The following ADCY2 variants were observed in gnomAD, a reference collection of about 807,000 sequenced individuals.
ADCY2 encodes adenylate cyclase 2.
In ADCY2, 31 loss-of-function variants were observed where a neutral mutation model predicts 125.2. The observed-to-expected ratio is 0.25, with a 90% CI of 0.19 to 0.33. ADCY2 has a LOEUF of 0.33. Among genes scored for constraint, ADCY2 ranks in the 10% least tolerant of loss-of-function variants. The probability of loss-of-function intolerance (pLI) is 1.00; values close to 1 mark genes in which losing one functional copy is unlikely to be tolerated. For missense variants in ADCY2, 904 were observed against 1,418.2 expected, an observed-to-expected ratio of 0.64 and a Z score of 5.82; for synonymous variants, 512 against 548.4, an observed-to-expected ratio of 0.93 and a Z score of 0.93.
chr5:7,709,256 C>A lies in ADCY2; in HGVS notation c.1447C>A (p.Leu483Ile). ...GCATCTCTTCAGACCTCGCCACACC[C>A]TTGATGGAGCCAAAATGAGGGCCTC... ...PQHLFRPRHT[L>I]DGAKMRASVR... Residue 483 changes from leucine (L) to isoleucine (I), a missense_variant, in exon 10 of 25, where the codon CTT becomes ATT. By Grantham distance (5) the Leu-to-Ile change is conservative (BLOSUM62 2). This residue lies in a region of ADCY2 where 144 missense variants were observed against 227.7 expected (regional missense o/e 0.63). Transcript: ENST00000338316. This position sits in a 1 kb window ranked among gnomAD's most constrained non-coding sequence, Gnocchi z 4.4. 6.2e-7 allele frequency: 1 copy of A among 1,613,956 alleles called. No homozygotes were observed. The highest frequency in any genetic ancestry group is 1.1e-5 in the South Asian group (1 of 91,036).
chr5:7,508,611 G>A (rs1743936009), intron 2 of ADCY2, among the ~76,000 whole-genome samples: 1 of 152,168 alleles, frequency 6.6e-6, no homozygotes, highest in Non-Finnish European at 1.5e-5. Flanking sequence ...CTGGCAAGGT[G>A]TTGTTGCCAC....
At chr5:7,728,356 GAGTGGTGAA>G (rs1741996113) in intron 14 of ADCY2, among the ~76,000 whole-genome samples, 1 of 152,178 alleles carries the variant, frequency 6.6e-6, no homozygotes, top group South Asian at 2.1e-4. Context: ...ATGAATTGTA[GAGTGGTGAA>G]AGTTTTGTTC....
Position 7,651,402 on chromosome 5 carries a change from G to A in ADCY2, c.720+25086G>A, listed in dbSNP as rs553492195. Among the ~76,000 whole-genome samples, 26 of 152,286 alleles carry A rather than the reference G, an allele frequency of 1.7e-4. No homozygotes were observed. The South Asian group carries it at 5.4e-3, about 32-fold the overall frequency. On this transcript the variant is annotated intron_variant, in intron 4 of 24. Transcript: ENST00000338316. ...CCAGGAAGCCTCATCCCAAAGGGATGTCTGCATCCCAAAACCTCAAAAGTA... is the reference window on the plus strand; with the variant it reads ...CCAGGAAGCCTCATCCCAAAGGGATATCTGCATCCCAAAACCTCAAAAGTA...
chr5:7,678,134 C>T (rs969765101), intron 4 of ADCY2, among the ~76,000 whole-genome samples: 4 of 152,190 alleles, frequency 2.6e-5, no homozygotes, highest in African/African-American at 7.2e-5. Flanking sequence ...GCCATGACTT[C>T]CATTTCCATG....
chr5:7,716,619 G>A (rs1337213615), intron 11 of ADCY2, among the ~76,000 whole-genome samples: 1 of 152,204 alleles, frequency 6.6e-6, no homozygotes, highest in Non-Finnish European at 1.5e-5. Flanking sequence ...AGAAGAGCCT[G>A]CTCATAGGCT....
chr5:7,629,231 C>T (rs908581590), intron 4 of ADCY2, among the ~76,000 whole-genome samples: 7 of 152,220 alleles, frequency 4.6e-5, no homozygotes, highest in Non-Finnish European at 7.3e-5. Flanking sequence ...TCCTTGGCCT[C>T]GCTTCACAGC....
intron 16 of ADCY2, among the ~76,000 whole-genome samples, chr5:7,766,216 G>T (rs969209120): frequency 1.1e-4 from 17 of 152,050 alleles, no homozygotes; most frequent in Admixed American, 1.1e-3. Context: ...ATTGCATTTT[G>T]CCCATAAAAT....
intron 3 of ADCY2, among the ~76,000 whole-genome samples, chr5:7,576,248 T>C (rs767519048): frequency 8.5e-5 from 13 of 152,210 alleles, no homozygotes; most frequent in Admixed American, 2.0e-4. Context: ...CAGATGGTTC[T>C]GTGCTAAATC....
intron 4 of ADCY2, among the ~76,000 whole-genome samples, chr5:7,680,803 A>ATT (rs1740304194): frequency 6.6e-6 from 1 of 152,230 alleles, no homozygotes; most frequent in African/African-American, 2.4e-5. Context: ...AGTGGGACAC[A>ATT]TGACAGCCTG....
intron 2 of ADCY2, among the ~76,000 whole-genome samples, chr5:7,479,812 A>AT (rs1230076667): frequency 2.0e-5 from 3 of 152,030 alleles, no homozygotes; most frequent in South Asian, 2.1e-4. Flanking sequence ...AATTGTTTTA[A>AT]TTTTTAGTTG....
intron 23 of ADCY2, among the ~76,000 whole-genome samples, chr5:7,817,812 G>T (rs1745162935): frequency 1.0e-5 from 1 of 99,348 alleles, no homozygotes; most frequent in Admixed American, 1.6e-4. Flanking sequence ...GACAGAAAGA[G>T]ACGCTGTCAC....
intron 4 of ADCY2, among the ~76,000 whole-genome samples, chr5:7,660,270 AG>A (rs1739480405): frequency 2.0e-5 from 3 of 150,616 alleles, no homozygotes; most frequent in Admixed American, 6.6e-5. Context: ...GAAGGAAGGA[AG>A]GAAGGAAGGA....
intron 2 of ADCY2, among the ~76,000 whole-genome samples, chr5:7,487,293 C>T (rs1742971418): frequency 6.6e-6 from 1 of 152,160 alleles, no homozygotes; most frequent in African/African-American, 2.4e-5. Flanking sequence ...CCTCCACATT[C>T]TCAGAGGAGC....
chr5:7,508,009 T>C lies in ADCY2; in HGVS notation c.409-12729T>C, dbSNP rs373133608. Among the ~76,000 whole-genome samples, 43 of 152,366 alleles carry C rather than the reference T, an allele frequency of 2.8e-4. No individual in the cohort carries two copies. In the South Asian group the frequency reaches 8.3e-3, roughly 29 times the overall value. ...TAATTTTAAGCTGACAATTTTTTTT[T>C]TCTATATACTGAGAGATATTTGTGT... On this transcript the variant is annotated intron_variant, in intron 2 of 24. Transcript: ENST00000338316.
At chr5:7,469,560 G>A (rs974134520) in intron 2 of ADCY2, among the ~76,000 whole-genome samples, 1 of 151,748 alleles carries the variant, frequency 6.6e-6, no homozygotes, top group Non-Finnish European at 1.5e-5. Context: ...ATAAAATTCT[G>A]TAAGTGCTAT....
chr5:7,553,167 G>T (rs1440018662), intron 3 of ADCY2, among the ~76,000 whole-genome samples: 1 of 152,220 alleles, frequency 6.6e-6, no homozygotes, highest in Non-Finnish European at 1.5e-5. Context: ...ATTTCAGTGT[G>T]AACCCACGAT....
At position 7,757,590 on chromosome 5, in the gene ADCY2, A is replaced by AGCCCCAGAGCAGCC. The variant is rs1560953822; in HGVS notation, c.2094+5_2094+6insCCCCAGAGCAGCCG. 1 of 1,565,530 alleles carries AGCCCCAGAGCAGCC rather than the reference A, an allele frequency of 6.4e-7. No individual in the cohort carries two copies. On this transcript the variant is annotated splice_donor_region_variant and intron_variant, in intron 16 of 24. Transcript: ENST00000338316. ...AATGATGGCCGTGTTCAACATGGTA[A>AGCCCCAGAGCAGCC]GTCCCAGAGCACGGCCGTGTTCAAC...
In ADCY2 at chr5:7,555,285, C is replaced by T. The variant is rs115333487; in HGVS notation, c.570+34386C>T. ...ATTCGTTCAGCAAACATCCATTGAA[C>T]GCCTGCTACATATTTGAATGTTTGC... On this transcript the variant is annotated intron_variant, in intron 3 of 24. Transcript: ENST00000338316. Among the ~76,000 whole-genome samples, 1,129 of 152,298 alleles carry T rather than the reference C, an allele frequency of 7.4e-3. 14 individuals carry two copies. The highest frequency in any genetic ancestry group is 0.026 in the African/African-American group (1,063 of 41,556).
chr5:7,520,300 T>A (rs1744394928), intron 2 of ADCY2, among the ~76,000 whole-genome samples: 3 of 152,088 alleles, frequency 2.0e-5, no homozygotes, highest in Non-Finnish European at 4.4e-5. Context: ...TTTCACTAAC[T>A]CCCCTTGATG....
Sources: gnomAD v4.1 joint callset for allele counts (sites outside exome capture counted in the v4.1 genomes callset) on GRCh38, gnomAD v4.1.1 for gene constraint, gnomAD v4.1.1 regional missense constraint, Gnocchi (gnomAD v3.1) non-coding constraint, MANE v1.5 for transcripts, NCBI Gene and HGNC (gene_info 2026-07-23, HGNC 2026-07-21) for gene names.